INPP4B: variants seen among roughly 807,000 people sequenced by gnomAD.
INPP4B encodes inositol polyphosphate-4-phosphatase type II B.
Under a neutral mutation model 122.5 loss-of-function variants are expected in INPP4B, and 55 were observed. That is an observed-to-expected ratio of 0.45 (90% confidence interval 0.36 to 0.56). INPP4B has a LOEUF of 0.56. INPP4B is among the 20% of genes least tolerant of loss of function. The probability of loss-of-function intolerance (pLI) is 0.00; values close to 1 mark genes in which losing one functional copy is unlikely to be tolerated. For synonymous variants in INPP4B, 403 were observed against 388.7 expected, an observed-to-expected ratio of 1.04 and a Z score of -0.43; for missense variants, 1,000 against 1,097.7, an observed-to-expected ratio of 0.91 and a Z score of 1.26.
At chr4:142,231,609 A>C (rs939704477) in intron 12 of INPP4B, among the ~76,000 whole-genome samples, 1 of 152,194 alleles carries the variant, frequency 6.6e-6, no homozygotes, top group Admixed American at 6.5e-5. Flanking sequence ...TTCACAAGTA[A>C]ATCCACAGTA....
chr4:142,688,549 T>A (rs1759706559), intron 2 of INPP4B, among the ~76,000 whole-genome samples: 1 of 152,048 alleles, frequency 6.6e-6, no homozygotes, highest in African/African-American at 2.4e-5. Context: ...ACTGAGAAAA[T>A]TATGAGTGTA....
At chr4:142,119,652 G>C (rs113678658) in intron 21 of INPP4B, among the ~76,000 whole-genome samples, 18 of 151,476 alleles carry the variant, frequency 1.2e-4, no homozygotes, top group Admixed American at 7.9e-4. Flanking sequence ...GTCGTGGGGT[G>C]GGGGGAAGGG....
chr4:142,298,774 G>A (rs1043087894), intron 9 of INPP4B, among the ~76,000 whole-genome samples: 5 of 149,454 alleles, frequency 3.3e-5, no homozygotes, highest in East Asian at 2.0e-4. Context: ...TTGATATCAC[G>A]AACACTTCTT....
intron 5 of INPP4B, among the ~76,000 whole-genome samples, chr4:142,416,798 C>A (rs1805865810): frequency 6.6e-6 from 1 of 152,096 alleles, no homozygotes; most frequent in South Asian, 2.1e-4. Flanking sequence ...ATTTGACTAA[C>A]TAGGGCTTTG....
intron 2 of INPP4B, among the ~76,000 whole-genome samples, chr4:142,616,750 T>G (rs938785905): frequency 3.3e-5 from 5 of 152,120 alleles, no homozygotes; most frequent in African/African-American, 1.2e-4. Context: ...GGGATACTAC[T>G]CAGCCATAAA....
chr4:142,085,003 C>T (rs571929499), intron 24 of INPP4B, among the ~76,000 whole-genome samples: 48 of 152,260 alleles, frequency 3.2e-4, no homozygotes, highest in African/African-American at 1.1e-3. Context: ...ATACAAAGAG[C>T]AGCCACACTA....
chr4:142,768,173 A>T (rs1342518536), intron 1 of INPP4B, among the ~76,000 whole-genome samples: 1 of 152,210 alleles, frequency 6.6e-6, no homozygotes, highest in East Asian at 1.9e-4. Context: ...GGGATCAATT[A>T]TGTTAGCTGT....
At chr4:142,271,773 T>C (rs1332749198) in intron 9 of INPP4B, among the ~76,000 whole-genome samples, 1 of 152,186 alleles carries the variant, frequency 6.6e-6, no homozygotes, top group East Asian at 1.9e-4. Context: ...TTGACAAGTC[T>C]TTTATATTCA....
At position 142,626,513 on chromosome 4, in the gene INPP4B, T is replaced by C. The variant is rs182346860; in HGVS notation, c.-191+99326A>G. Among the ~76,000 whole-genome samples, 173 of 152,098 alleles carry C rather than the reference T, an allele frequency of 1.1e-3. 1 individual carries two copies. The highest frequency in any genetic ancestry group is 3.3e-3 in the Admixed American group (50 of 15,260). On this transcript the variant is annotated intron_variant, in intron 2 of 25. Transcript: ENST00000262992. ...AGCAGGGGTCTCAGTTCTACAATCA[T>C]AAGTAACTGGATTCTGCCAACAATG...
rs542994294 is a variant in INPP4B, at chr4:142,780,622, C to T, written c.-253-54721G>A. On this transcript the variant is annotated intron_variant, in intron 1 of 25. Transcript: ENST00000262992. ...GACCAGCCTGGACAAGATGGTGAAA[C>T]CCCTGTCTCTACTAAATATACAAAA... Among the ~76,000 whole-genome samples, 6 of 152,080 alleles carry T rather than the reference C, an allele frequency of 3.9e-5. No homozygotes were observed. The South Asian group carries it at 6.2e-4, about 16-fold the overall frequency.
intron 23 of INPP4B, among the ~76,000 whole-genome samples, chr4:142,097,967 T>C (rs1233486905): frequency 6.6e-6 from 1 of 152,076 alleles, no homozygotes; most frequent in Non-Finnish European, 1.5e-5. Context: ...TGTCAAATAA[T>C]GTAAGTGACA....
intron 12 of INPP4B, among the ~76,000 whole-genome samples, chr4:142,229,579 C>T (rs530666287): frequency 6.6e-6 from 1 of 152,178 alleles, no homozygotes; most frequent in East Asian, 1.9e-4. Flanking sequence ...CCTGAAAATG[C>T]CAATGTTTTG....
chr4:142,163,061 A>C (rs1005338477), intron 16 of INPP4B, among the ~76,000 whole-genome samples: 6 of 151,870 alleles, frequency 4.0e-5, no homozygotes, highest in African/African-American at 1.4e-4. Flanking sequence ...AGTCAAATAA[A>C]TCAGCTTGAA....
At chr4:142,582,974 T>C (rs1367869743) in intron 2 of INPP4B, among the ~76,000 whole-genome samples, 1 of 152,164 alleles carries the variant, frequency 6.6e-6, no homozygotes, top group African/African-American at 2.4e-5. Context: ...CAATTTATAT[T>C]GAGTTTTATA....
chr4:142,052,415 G>T (rs190283862), intron 25 of INPP4B, among the ~76,000 whole-genome samples: 3 of 151,822 alleles, frequency 2.0e-5, no homozygotes, highest in African/African-American at 7.2e-5. Context: ...GTGTTAAACC[G>T]TGTTTATTAT....
intron 1 of INPP4B, among the ~76,000 whole-genome samples, chr4:142,764,552 T>C (rs1473652369): frequency 1.3e-5 from 2 of 152,162 alleles, no homozygotes; most frequent in African/African-American, 4.8e-5. Context: ...CATCTTGTTT[T>C]GACAAGAACA....
chr4:142,489,914 G>C lies in INPP4B; in HGVS notation c.-190-27188C>G, dbSNP rs182034554. The stretch of plus-strand genomic sequence containing the variant: ...CCTTATCTCAAAGTTCACTTTGTCT[G>C]ATAGTAAAATAGCTAAATCAACTTT... On this transcript the variant is annotated intron_variant, in intron 2 of 25. Coordinates refer to ENST00000262992, the MANE Select transcript of INPP4B (RefSeq NM_001101669.3). 2.6e-3 allele frequency among the ~76,000 whole-genome samples: 396 copies of C among 152,150 alleles called. 3 individuals carry two copies. Among genetic ancestry groups the C allele is most frequent in the Non-Finnish European group, 1.7e-3 (114 of 67,994 alleles).
intron 23 of INPP4B, among the ~76,000 whole-genome samples, chr4:142,100,256 C>T (rs1176567932): frequency 1.3e-5 from 2 of 152,100 alleles, no homozygotes; most frequent in Non-Finnish European, 2.9e-5. Flanking sequence ...AGATAGAAGC[C>T]AGCCTGTTGC....
chr4:142,404,959 G>A (rs1802869621), intron 6 of INPP4B, among the ~76,000 whole-genome samples: 1 of 151,908 alleles, frequency 6.6e-6, no homozygotes. Flanking sequence ...AAAAAGACAA[G>A]TTATTTTGTC....
Sources: gnomAD v4.1 joint callset for allele counts (sites outside exome capture counted in the v4.1 genomes callset) on GRCh38, gnomAD v4.1.1 for gene constraint, MANE v1.5 for transcripts, NCBI Gene and HGNC (gene_info 2026-07-23, HGNC 2026-07-21) for gene names.